MYEF2: variants seen among roughly 807,000 people sequenced by gnomAD.
MYEF2 encodes myelin gene expression factor 2.
Under a neutral mutation model 75.2 loss-of-function variants are expected in MYEF2, and 37 were observed. The ratio of observed to expected loss-of-function variants is 0.49; its 90% CI spans 0.38 to 0.65. MYEF2 has a LOEUF of 0.65. MYEF2 is among the 30% of genes least tolerant of loss of function. The pLI is 0.00. For missense variants in MYEF2, 634 were observed against 771.4 expected, an observed-to-expected ratio of 0.82 and a Z score of 2.11; for synonymous variants, 195 against 241.6, an observed-to-expected ratio of 0.81 and a Z score of 1.79.
chr15:48,141,184 A>G lies in MYEF2; in HGVS notation c.*1724T>C. ...AGCAGCAGGAACAAGCATACCAGAC[A>G]CAATTGCAAGTGTGTTGGTTGCAAG... On this transcript the variant is annotated 3_prime_UTR_variant, in exon 17 of 17. Coordinates refer to ENST00000324324, the MANE Select transcript of MYEF2 (RefSeq NM_016132.5). 1 of 1,613,932 alleles carries G rather than the reference A, an allele frequency of 6.2e-7. No individual in the cohort carries two copies. The highest frequency in any genetic ancestry group is 8.5e-7 in the Non-Finnish European group (1 of 1,179,822).
intron 16 of MYEF2, among the ~76,000 whole-genome samples, chr15:48,146,405 A>G (rs959065525): frequency 6.6e-6 from 1 of 151,950 alleles, no homozygotes; most frequent in Non-Finnish European, 1.5e-5. Context: ...ATGGAACCAG[A>G]AAATAGCAGT....
At position 48,137,127 on chromosome 15, in the gene MYEF2, C is replaced by T. The variant is rs2038920773; in HGVS notation, c.*5781G>A. The T allele has an allele frequency of 1.5e-6, 1 of 645,594 alleles. No homozygotes were observed. The highest frequency in any genetic ancestry group is 1.8e-5 in the African/African-American group (1 of 54,384). 40.0% of individuals were successfully genotyped at this position (645,594 alleles called of 1,614,324 possible). On this transcript the variant is annotated 3_prime_UTR_variant, in exon 17 of 17. Coordinates refer to ENST00000324324, the MANE Select transcript of MYEF2 (RefSeq NM_016132.5). The stretch of plus-strand genomic sequence containing the variant: ...TACCTTTAAGGAACTTCCAATATCA[C>T]AGGAAATACAAAATAGCTAAAGTAT...
chr15:48,158,025 C>T lies in MYEF2; in HGVS notation c.953G>A (p.Arg318His), dbSNP rs190142072. The T allele has an allele frequency of 1.2e-5, 19 of 1,613,046 alleles. No individual in the cohort carries two copies. Among genetic ancestry groups the T allele is most frequent in the East Asian group, 8.9e-5 (4 of 44,770 alleles). The change falls in exon 9 of 17, where the codon CGT becomes CAT. Residue 318 changes from arginine to histidine, a missense_variant. Physicochemically the swap from Arg to His is conservative, Grantham distance 29. Transcript: ENST00000324324. ...DDKSVPHEEY[R>H]SHDGKTPQLP... ...TTGTGGTGTTTTACCATCATGTGAA[C>T]GGTACTCTTCATGAGGAACAGACTT... is the stretch of plus-strand genomic sequence containing the variant.
Position 48,178,160 on chromosome 15 carries a change from C to T in MYEF2, c.78G>A (p.Pro26=), listed in dbSNP as rs774229930. 35 of 1,558,406 alleles carry T rather than the reference C, an allele frequency of 2.2e-5. No individual in the cohort carries two copies. Among genetic ancestry groups the T allele is most frequent in the Non-Finnish European group, 3.5e-6 (4 of 1,153,028 alleles). ...GGTGCGGCTCTCGCCGCGGCTCGCCCGGCGGCTCTGCGGGCTGCAGGTGCG... is the reference window on the plus strand; with the variant it reads ...GGTGCGGCTCTCGCCGCGGCTCGCCTGGCGGCTCTGCGGGCTGCAGGTGCG... ...DSPHLQPAEP[P]GEPRREPHPA... The change falls in exon 1 of 17, where the codon CCG becomes CCA. Residue 26 remains proline (P), a synonymous_variant. Coordinates refer to ENST00000324324, the MANE Select transcript of MYEF2 (RefSeq NM_016132.5).
intron 16 of MYEF2, among the ~76,000 whole-genome samples, chr15:48,148,195 C>T (rs1401454096): frequency 6.6e-6 from 1 of 151,922 alleles, no homozygotes; most frequent in Non-Finnish European, 1.5e-5. Context: ...ATTGTGACTA[C>T]AGTCGCTGAG....
At chr15:48,152,425 G>C in intron 10 of MYEF2, 141 bp from the exon 11 acceptor site, 1 of 662,046 alleles carries the variant, frequency 1.5e-6, no homozygotes, top group Non-Finnish European at 2.6e-6. Flanking sequence ...CAGGAGGCAT[G>C]GTTTAAAGTG....
Position 48,137,621 on chromosome 15 carries a change from A to C in MYEF2, c.*5287T>G, listed in dbSNP as rs2038933738. ...GTTTACTAGGTGCCTAGACCAAGTG[A>C]AAGTGGTGGGAATAAATGAGAACAG... On this transcript the variant is annotated 3_prime_UTR_variant, in exon 17 of 17. Coordinates refer to ENST00000324324, the MANE Select transcript of MYEF2 (RefSeq NM_016132.5). 1 of 152,178 alleles carries C rather than the reference A, an allele frequency of 6.6e-6. No homozygotes were observed. Among genetic ancestry groups the C allele is most frequent in the Non-Finnish European group, 1.5e-5 (1 of 68,056 alleles). The allele number at this position is 152,178 out of a possible 1,614,324, so 9.4% of individuals were successfully genotyped here.
Position 48,151,556 on chromosome 15 carries a change from G to A in MYEF2, c.1223C>T (p.Ala408Val), listed in dbSNP as rs746581433. The change falls in exon 13 of 17, where the codon GCG (alanine) becomes GTG (valine). Residue 408 changes from alanine to valine, a missense_variant. Physicochemically the swap from Ala to Val is moderately conservative, Grantham distance 64 (BLOSUM62 0). Transcript: ENST00000324324. Reference protein sequence around the residue: ...VGRMGELYRGAMTSSMERDFG... With the variant: ...VGRMGELYRGVMTSSMERDFG... ...ATCTCGCTCCATGCTACTAGTCATC[G>A]CACCACGGTACAGCTCTGAAAAAAT... is the stretch of plus-strand genomic sequence containing the variant. 9.3e-6 allele frequency: 15 copies of A among 1,611,758 alleles called. No homozygotes were observed. Among genetic ancestry groups the A allele is most frequent in the African/African-American group, 4.0e-5 (3 of 74,726 alleles).
Position 48,142,926 on chromosome 15 carries a change from G to A in MYEF2, c.1785C>T (p.Arg595=). ...CTTGAAATTATGCATTACGATCCAAGCGAACATCAATTTCTCTGCCACTGA... is the reference window on the plus strand; with the variant it reads ...CTTGAAATTATGCATTACGATCCAAACGAACATCAATTTCTCTGCCACTGA... ...IKISGREIDV[R]LDRNA Residue 595 remains arginine (R), a synonymous_variant, in exon 17 of 17, where the codon CGC becomes CGT. Coordinates refer to ENST00000324324, the MANE Select transcript of MYEF2 (RefSeq NM_016132.5). 2.5e-6 allele frequency: 4 copies of A among 1,594,946 alleles called. No individual in the cohort carries two copies. Among genetic ancestry groups the A allele is most frequent in the Non-Finnish European group, 3.4e-6 (4 of 1,171,788 alleles).
Position 48,178,078 on chromosome 15 carries a change from T to C in MYEF2, c.160A>G (p.Met54Val), listed in dbSNP as rs1224666463. ...GGTTCCCGGAGGAAAAGACAATACA[T>C]TTTAACGCCATTGGAGCTGCTGCTG... Reference protein sequence around the residue: ...QHSSSSNGVKMENDESAKEEK... With the variant: ...QHSSSSNGVKVENDESAKEEK... Residue 54 changes from methionine (M) to valine (V), a missense_variant and splice_region_variant, in exon 1 of 17, where the codon ATG becomes GTG. By Grantham distance (21) the Met-to-Val change is conservative (BLOSUM62 1). Transcript: ENST00000324324. The C allele has an allele frequency of 4.4e-6, 7 of 1,598,438 alleles. No individual in the cohort carries two copies. Among genetic ancestry groups the C allele is most frequent in the Non-Finnish European group, 6.0e-6 (7 of 1,172,826 alleles).
chr15:48,160,610 T>A (rs2039904050), intron 5 of MYEF2, among the ~76,000 whole-genome samples: 1 of 151,796 alleles, frequency 6.6e-6, no homozygotes, highest in African/African-American at 2.4e-5. Flanking sequence ...ATGGATAGAC[T>A]ATCATCTGCA....
At chr15:48,167,101 TAAG>T (rs1043156626) in intron 3 of MYEF2, among the ~76,000 whole-genome samples, 11 of 152,032 alleles carry the variant, frequency 7.2e-5, no homozygotes, top group Non-Finnish European at 1.5e-4. Flanking sequence ...TCTTATTGGC[TAAG>T]AAGAAGTATT....
At chr15:48,151,264 T>A in intron 13 of MYEF2, 93 bp from the exon 14 acceptor site, 1 of 1,187,756 alleles carries the variant, frequency 8.4e-7, no homozygotes, top group South Asian at 1.4e-5. Flanking sequence ...TTACAATAAA[T>A]GAAAAGCATA....
chr15:48,152,475 G>T, intron 10 of MYEF2, 191 bp from the exon 11 acceptor site: 2 of 467,406 alleles, frequency 4.3e-6, no homozygotes, highest in Non-Finnish European at 7.6e-6. Flanking sequence ...TCTTCAAAAG[G>T]GTTTCTTTGA....
At position 48,139,057 on chromosome 15, in the gene MYEF2, A is replaced by C; in HGVS notation, c.*3851T>G. On this transcript the variant is annotated 3_prime_UTR_variant, in exon 17 of 17. Coordinates refer to ENST00000324324, the MANE Select transcript of MYEF2 (RefSeq NM_016132.5). Reference sequence around the variant, plus strand: ...TTCCTATTATTACATTACTTTTTCTAACCACACCAGATTGTAGAAAAAAGT... The same window carrying C: ...TTCCTATTATTACATTACTTTTTCTCACCACACCAGATTGTAGAAAAAAGT... The C allele has an allele frequency of 6.2e-7, 1 of 1,613,002 alleles. No homozygotes were observed. Among genetic ancestry groups the C allele is most frequent in the South Asian group, 1.1e-5 (1 of 91,038 alleles).
In MYEF2 at chr15:48,139,440, A is replaced by G. The variant is rs1459765993; in HGVS notation, c.*3468T>C. The G allele has an allele frequency of 7.4e-6, 2 of 271,974 alleles. No homozygotes were observed. Among genetic ancestry groups the G allele is most frequent in the Non-Finnish European group, 1.4e-5 (2 of 143,888 alleles). The allele number at this position is 271,974 out of a possible 1,614,324, so 16.8% of individuals were successfully genotyped here. A position where few individuals can be genotyped will look rare whatever the true frequency, so the allele number is the denominator to read the frequency against. On this transcript the variant is annotated 3_prime_UTR_variant, in exon 17 of 17. Transcript: ENST00000324324. Reference sequence around the variant, plus strand: ...TTATAAATGAAATCAAATTCATAGGATGTCTTTTTATTATGCTAATAATTT... The same window carrying G: ...TTATAAATGAAATCAAATTCATAGGGTGTCTTTTTATTATGCTAATAATTT...
intron 16 of MYEF2, among the ~76,000 whole-genome samples, chr15:48,145,967 C>T (rs2140808037): frequency 1.3e-5 from 2 of 151,996 alleles, no homozygotes; most frequent in Admixed American, 1.3e-4. Context: ...TACCATAAGC[C>T]TCCATTTTCC....
intron 8 of MYEF2, 52 bp downstream of exon 8, chr15:48,158,123 C>G: frequency 1.9e-6 from 3 of 1,610,286 alleles, no homozygotes; most frequent in Non-Finnish European, 2.5e-6. Context: ...TAGAAGAGAG[C>G]CAATAAAAGA....
chr15:48,177,998 G>A (rs2040615901), intron 1 of MYEF2, 79 bp downstream of exon 1: 3 of 1,515,496 alleles, frequency 2.0e-6, no homozygotes, highest in Middle Eastern at 2.0e-4. Flanking sequence ...TCCCCCATCG[G>A]GGCACAGCCC....
Sources: gnomAD v4.1 joint callset for allele counts (sites outside exome capture counted in the v4.1 genomes callset) on GRCh38, gnomAD v4.1.1 for gene constraint, MANE v1.5 for transcripts, NCBI Gene and HGNC (gene_info 2026-07-23, HGNC 2026-07-21) for gene names.